The following SNX29 variants were observed in gnomAD, a reference collection of about 807,000 sequenced individuals.
The protein encoded by SNX29 is sorting nexin-29.
A neutral mutation model predicts 102.1 loss-of-function variants in SNX29; 78 were observed. That is an observed-to-expected ratio of 0.76 (90% CI 0.64 to 0.92). The LOEUF is 0.92. Ranked by LOEUF, SNX29 falls within the 40% of genes least tolerant of loss-of-function variation. The pLI is 0.00. For missense variants in SNX29, 1,280 were observed against 1,061.7 expected, an observed-to-expected ratio of 1.21 and a Z score of -2.86; for synonymous variants, 580 against 414.5, an observed-to-expected ratio of 1.40 and a Z score of -4.85.
intron 16 of SNX29, among the ~76,000 whole-genome samples, chr16:12,396,129 TC>T (rs2083712336): frequency 1.3e-5 from 2 of 152,250 alleles, no homozygotes; most frequent in African/African-American, 2.4e-5. Flanking sequence ...GGTACGCATA[TC>T]CCCTGTTCAA....
rs752554304 is a variant in SNX29 at position 12,362,564 on chromosome 16, C to G, written c.1899+6285C>G. On this transcript the variant is annotated intron_variant, in intron 16 of 20. Coordinates refer to ENST00000566228, the MANE Select transcript of SNX29 (RefSeq NM_032167.5). ...TTTGGCTGCTGCACTCCCCCCCCAC[C>G]CCCCCCCCCACCAGTTTCTCCTCAT... 1.5e-3 allele frequency among the ~76,000 whole-genome samples: 92 copies of G among 60,370 alleles called. 10 individuals are homozygous for G. The highest frequency in any genetic ancestry group is 4.2e-3 in the African/African-American group (69 of 16,478). The allele number at this position is 60,370 out of a possible 152,430, so 39.6% of individuals were successfully genotyped here.
chr16:12,221,191 A>T (rs1392538844), intron 14 of SNX29, among the ~76,000 whole-genome samples: 1 of 152,042 alleles, frequency 6.6e-6, no homozygotes, highest in Non-Finnish European at 1.5e-5. Flanking sequence ...AAGAATGGCA[A>T]ACTTGGCACT....
rs181242306 is a variant in SNX29, at chr16:11,982,714, C to T, written c.7+5901C>T. Among the ~76,000 whole-genome samples, 1,447 of 152,180 alleles carry T rather than the reference C, an allele frequency of 9.5e-3. 66 individuals are homozygous for T. Among genetic ancestry groups the T allele is most frequent in the Admixed American group, 0.087 (1,323 of 15,252 alleles). ...AAAGTGCTGGGATCACAGGCGTGAG[C>T]CACCGTGCCCGGTCTCCATCAGTAA... On this transcript the variant is annotated intron_variant, in intron 1 of 20. Coordinates refer to ENST00000566228, the MANE Select transcript of SNX29 (RefSeq NM_032167.5).
At chr16:12,057,920 C>T (rs968686580) in intron 8 of SNX29, among the ~76,000 whole-genome samples, 3 of 151,482 alleles carry the variant, frequency 2.0e-5, no homozygotes, top group East Asian at 1.9e-4. Context: ...TGTGTTCAAG[C>T]GATTCTCCTG....
At chr16:12,545,046 C>A (rs958397745) in intron 20 of SNX29, among the ~76,000 whole-genome samples, 1 of 152,170 alleles carries the variant, frequency 6.6e-6, no homozygotes. Context: ...TCTGTGATGC[C>A]CTGCTCCTGT....
In SNX29 at chr16:12,473,278, GGTAATTTTGA is replaced by G. The variant is rs1001667838; in HGVS notation, c.2038-4422_2038-4413del. ...ACTGTTGTTGTGGATCAGCCATTTG[GGTAATTTTGA>G]GTAATTTTGAGTAATTTTAATGGCA... On this transcript the variant is annotated intron_variant, in intron 18 of 20. Transcript: ENST00000566228. Among the ~76,000 whole-genome samples the G allele has an allele frequency of 5.5e-4, 84 of 152,232 alleles. 2 individuals are homozygous for G. The highest frequency in any genetic ancestry group is 8.3e-4 in the South Asian group (4 of 4,818).
intron 13 of SNX29, among the ~76,000 whole-genome samples, chr16:12,155,534 T>C (rs1001695238): frequency 6.6e-6 from 1 of 152,178 alleles, no homozygotes. Context: ...AGGGCAATGA[T>C]GTTTTCATTA....
intron 19 of SNX29, among the ~76,000 whole-genome samples, chr16:12,506,718 T>TGA (rs1250795762): frequency 1.3e-5 from 2 of 152,132 alleles, no homozygotes; most frequent in African/African-American, 4.8e-5. Flanking sequence ...AAGTCAGGCT[T>TGA]GAGAACATCA....
At chr16:12,011,096 C>G (rs997774467) in intron 3 of SNX29, among the ~76,000 whole-genome samples, 1 of 152,028 alleles carries the variant, frequency 6.6e-6, no homozygotes, top group Admixed American at 6.6e-5. Flanking sequence ...CTCCCTTACC[C>G]CAAGTACTTT....
intron 19 of SNX29, among the ~76,000 whole-genome samples, chr16:12,490,002 C>T (rs2088461833): frequency 6.6e-6 from 1 of 152,144 alleles, no homozygotes; most frequent in Non-Finnish European, 1.5e-5. Context: ...GATGGGGTTT[C>T]TCCATGTTGG....
intron 19 of SNX29, among the ~76,000 whole-genome samples, chr16:12,519,746 T>C (rs1471541043): frequency 1.3e-5 from 2 of 152,296 alleles, no homozygotes; most frequent in South Asian, 2.1e-4. Flanking sequence ...TCCAGCACTT[T>C]GGGAGGCCGA....
At position 12,478,827 on chromosome 16, in the gene SNX29, C is replaced by A. The variant is rs868064309; in HGVS notation, c.2178+968C>A. Among the ~76,000 whole-genome samples, 13 of 152,292 alleles carry A rather than the reference C, an allele frequency of 8.5e-5. No homozygotes were observed. In the South Asian group the frequency reaches 1.9e-3, roughly 22 times the overall value. On this transcript the variant is annotated intron_variant, in intron 19 of 20. Coordinates refer to ENST00000566228, the MANE Select transcript of SNX29 (RefSeq NM_032167.5). ...GAATCGATCTGAAGGGAGGCCTGGGCATGGAGGGGATGAATAGTTCTCTAA... is the reference window on the plus strand; with the variant it reads ...GAATCGATCTGAAGGGAGGCCTGGGAATGGAGGGGATGAATAGTTCTCTAA...
At chr16:12,518,322 A>T (rs530845587) in intron 19 of SNX29, among the ~76,000 whole-genome samples, 11 of 152,262 alleles carry the variant, frequency 7.2e-5, no homozygotes, top group Admixed American at 3.9e-4. Context: ...CTCACACTGC[A>T]GTCTTACACC....
chr16:12,119,435 A>G (rs1437222750), intron 11 of SNX29, among the ~76,000 whole-genome samples: 1 of 152,184 alleles, frequency 6.6e-6, no homozygotes, highest in Admixed American at 6.5e-5. Flanking sequence ...CCTTATCAAG[A>G]TTTTGCAAGG....
intron 15 of SNX29, among the ~76,000 whole-genome samples, chr16:12,328,017 G>A (rs916073619): frequency 6.6e-6 from 1 of 152,198 alleles, no homozygotes; most frequent in Non-Finnish European, 1.5e-5. Context: ...GTGTCACAAA[G>A]TCAGACTGTT....
intron 16 of SNX29, among the ~76,000 whole-genome samples, chr16:12,379,006 C>T (rs1427396491): frequency 1.3e-5 from 2 of 152,184 alleles, no homozygotes; most frequent in Non-Finnish European, 2.9e-5. Flanking sequence ...TGACTGAAGT[C>T]AGTTAGTGCT....
At chr16:12,342,024 C>G (rs752978143) in intron 15 of SNX29, among the ~76,000 whole-genome samples, 10 of 152,184 alleles carry the variant, frequency 6.6e-5, no homozygotes, top group African/African-American at 9.7e-5. Flanking sequence ...AGAACGTGAA[C>G]TCTTTTACCT....
intron 20 of SNX29, among the ~76,000 whole-genome samples, chr16:12,552,873 G>A (rs964559557): frequency 9.2e-5 from 14 of 152,202 alleles, no homozygotes; most frequent in African/African-American, 3.1e-4. Context: ...CAGGGCCTGG[G>A]GAGACATGGA....
chr16:12,163,848 G>A (rs944113364), intron 13 of SNX29, among the ~76,000 whole-genome samples: 16 of 152,174 alleles, frequency 1.1e-4, no homozygotes, highest in African/African-American at 3.6e-4. Context: ...CTGTTCCGTG[G>A]TGCAGAGGAT....
Sources: gnomAD v4.1 joint callset for allele counts (sites outside exome capture counted in the v4.1 genomes callset) on GRCh38, gnomAD v4.1.1 for gene constraint, MANE v1.5 for transcripts, NCBI Gene and HGNC (gene_info 2026-07-23, HGNC 2026-07-21) for gene names.